ATRX: variants seen among roughly 807,000 people sequenced by gnomAD.
The protein encoded by ATRX is chromatin remodeler ATRX.
Under a neutral mutation model 172.6 loss-of-function variants are expected in ATRX, and 12 were observed. The observed-to-expected ratio is 0.07, with a 90% CI of 0.04 to 0.11. The LOEUF is 0.11. Ranked by LOEUF, ATRX falls within the 10% of genes least tolerant of loss-of-function variation. The probability of loss-of-function intolerance (pLI) is 1.00; values close to 1 mark genes in which losing one functional copy is unlikely to be tolerated. For synonymous variants in ATRX, 674 were observed against 594.7 expected (o/e 1.13, Z -1.94); for missense variants, 1,368 against 1,767.4 (o/e 0.77, Z 4.05).
intron 34 of ATRX, among the ~76,000 whole-genome samples, chrX:77,519,132 A>G (rs1375261105): frequency 1.8e-5 from 2 of 111,830 alleles, no homozygotes; most frequent in Non-Finnish European, 3.8e-5. Context: ...CAGGCAACCA[A>G]ATAAAAAATG....
intron 10 of ATRX, among the ~76,000 whole-genome samples, chrX:77,666,809 G>A (rs2070264321): frequency 1.8e-5 from 2 of 111,634 alleles, no homozygotes; most frequent in Non-Finnish European, 3.8e-5. Context: ...GCAGTGAGCT[G>A]AGATCATGCC....
intron 30 of ATRX, among the ~76,000 whole-genome samples, chrX:77,553,822 T>A (rs1209433466): frequency 9.0e-6 from 1 of 111,602 alleles, no homozygotes; most frequent in Non-Finnish European, 1.9e-5. Context: ...CTGCACAGAT[T>A]TCTATTATAG....
intron 2 of ATRX, among the ~76,000 whole-genome samples, chrX:77,716,110 ATTTTTTTTTTTTTTTTTTTT>A (rs199639051): frequency 7.4e-5 from 4 of 54,390 alleles, no homozygotes; most frequent in East Asian, 6.4e-4. Flanking sequence ...GTCTCTAAAA[ATTTTTTTTTTTTTTTTTTTT>A]TTTTTTTTTT....
At chrX:77,708,333 CG>C (rs1209071315) in intron 2 of ATRX, among the ~76,000 whole-genome samples, 3 of 112,368 alleles carry the variant, frequency 2.7e-5, no homozygotes, top group Non-Finnish European at 5.6e-5. Context: ...CACAAAAACA[CG>C]TATTATATGA....
chrX:77,607,222 A>G (rs1557091144), intron 22 of ATRX, among the ~76,000 whole-genome samples: 1 of 111,985 alleles, frequency 8.9e-6, no homozygotes, highest in Non-Finnish European at 1.9e-5. Flanking sequence ...ACATGACCTT[A>G]TATTTGGGAA....
chrX:77,762,087 G>A (rs2075735677), intron 1 of ATRX, among the ~76,000 whole-genome samples: 1 of 109,994 alleles, frequency 9.1e-6, no homozygotes, highest in African/African-American at 3.3e-5. Context: ...CAGATCACGA[G>A]GTCAGGAGAT....
intron 28 of ATRX, among the ~76,000 whole-genome samples, chrX:77,564,508 C>T (rs1415447254): frequency 1.8e-5 from 2 of 110,843 alleles, no homozygotes; most frequent in Non-Finnish European, 3.8e-5. Context: ...ACCTCAGCCT[C>T]CCAAGTAGCT....
Position 77,686,769 on chromosome X carries a change from T to C in ATRX, c.595-1763A>G, listed in dbSNP as rs1182921854. Among the ~76,000 whole-genome samples, 7 of 110,951 alleles carry C rather than the reference T, an allele frequency of 6.3e-5. 1 individual carries two copies. The highest frequency in any genetic ancestry group is 4.8e-4 in the Admixed American group (5 of 10,420). On this transcript the variant is annotated intron_variant, in intron 7 of 34. Transcript: ENST00000373344. ...TGCTACCCACTACCCAATGTCTGTA[T>C]TTTCCAGACATCTAACTATCTCAAG...
intron 22 of ATRX, among the ~76,000 whole-genome samples, chrX:77,609,650 AT>A (rs1370257217): frequency 2.7e-5 from 3 of 109,376 alleles, no homozygotes; most frequent in African/African-American, 3.3e-5. Context: ...CGACTTTTGT[AT>A]TTTTTTTTAT....
intron 1 of ATRX, 30 bp downstream of exon 1, chrX:77,785,952 T>C: frequency 1.7e-6 from 2 of 1,184,082 alleles, no homozygotes; most frequent in East Asian, 6.2e-5. Flanking sequence ...CCCAGACCGC[T>C]GGGGCCCATG....
chrX:77,543,502 T>C (rs887318729), intron 30 of ATRX, among the ~76,000 whole-genome samples: 4 of 112,226 alleles, frequency 3.6e-5, no homozygotes, highest in African/African-American at 1.3e-4. Flanking sequence ...TAAAGATACA[T>C]GCACACATAT....
intron 28 of ATRX, among the ~76,000 whole-genome samples, chrX:77,566,322 C>T (rs1275015341): frequency 3.6e-5 from 4 of 111,505 alleles, no homozygotes; most frequent in African/African-American, 1.3e-4. Flanking sequence ...TCATAAGAAA[C>T]CAGGGAGACG....
intron 10 of ATRX, 76 bp downstream of exon 10, chrX:77,676,150 G>C (rs1204489410): frequency 2.0e-6 from 2 of 985,755 alleles, no homozygotes; most frequent in Non-Finnish European, 2.8e-6. Context: ...CCTGCTTGCT[G>C]TTCCGTTGCT....
At chrX:77,733,827 T>C (rs1220902712) in intron 1 of ATRX, among the ~76,000 whole-genome samples, 1 of 104,782 alleles carries the variant, frequency 9.5e-6, no homozygotes, top group Non-Finnish European at 1.9e-5. Flanking sequence ...GAGGTTGCAG[T>C]GAGGGGAGAT....
At chrX:77,753,333 T>G (rs1557188517) in intron 1 of ATRX, among the ~76,000 whole-genome samples, 1 of 111,512 alleles carries the variant, frequency 9.0e-6, no homozygotes, top group East Asian at 2.8e-4. Flanking sequence ...TCATTCTTTA[T>G]TGTGTCTATT....
intron 17 of ATRX, 145 bp from the exon 18 acceptor site, chrX:77,633,857 T>C (rs782037066): frequency 6.4e-5 from 37 of 574,915 alleles, no homozygotes; most frequent in Middle Eastern, 1.1e-3. Context: ...GGGAAAGAGA[T>C]AGTAAAATGC....
chrX:77,593,859 A>G lies in ATRX; in HGVS notation c.5957-10T>C, dbSNP rs782820933. 4 of 1,198,167 alleles carry G rather than the reference A, an allele frequency of 3.3e-6. No individual in the cohort carries two copies. The highest frequency in any genetic ancestry group is 4.5e-6 in the Non-Finnish European group (4 of 883,802). On this transcript the variant is annotated splice_polypyrimidine_tract_variant and intron_variant, in intron 25 of 34. Coordinates refer to ENST00000373344, the MANE Select transcript of ATRX (RefSeq NM_000489.6). ...GAAGAAGTAGCTTTACCTAAATAAG[A>G]CAAATGGAACATAAGTAGGTAAATT...
intron 2 of ATRX, among the ~76,000 whole-genome samples, chrX:77,706,682 C>T (rs782508084): frequency 9.0e-6 from 1 of 110,528 alleles, no homozygotes; most frequent in South Asian, 3.9e-4. Flanking sequence ...GGTGGATCGC[C>T]TGAGGCCAGG....
At chrX:77,509,495 T>A (rs186570781) in intron 34 of ATRX, among the ~76,000 whole-genome samples, 1 of 111,816 alleles carries the variant, frequency 8.9e-6, no homozygotes, top group Non-Finnish European at 1.9e-5. Flanking sequence ...CTGTACCAGA[T>A]TTTAACTTCA....
Sources: gnomAD v4.1 joint callset for allele counts (sites outside exome capture counted in the v4.1 genomes callset) on GRCh38, gnomAD v4.1.1 for gene constraint, MANE v1.5 for transcripts, NCBI Gene and HGNC (gene_info 2026-07-23, HGNC 2026-07-21) for gene names.